Variants in SRPK2 observed in about 807,000 individuals in gnomAD.
SRPK2 encodes the protein SFRS protein kinase 2.
Under a neutral mutation model 90.8 loss-of-function variants are expected in SRPK2, and 21 were observed. The ratio of observed to expected loss-of-function variants is 0.23; its 90% CI spans 0.16 to 0.33. The LOEUF is 0.33. Ranked by LOEUF, SRPK2 falls within the 10% of genes least tolerant of loss-of-function variation. The pLI, the probability that SRPK2 is intolerant of heterozygous loss-of-function variation, is 1.00. For synonymous variants in SRPK2, 288 were observed against 311.1 expected (o/e 0.93, Z 0.78); for missense variants, 620 against 869.0 (o/e 0.71, Z 3.60).
chr7:105,285,638 T>C (rs1807999716), intron 2 of SRPK2, among the ~76,000 whole-genome samples: 2 of 152,120 alleles, frequency 1.3e-5, no homozygotes, highest in African/African-American at 4.8e-5. Context: ...CATTGTTCCC[T>C]TGGTGACAAG....
intron 3 of SRPK2, among the ~76,000 whole-genome samples, chr7:105,200,512 C>T (rs888638801): frequency 6.6e-6 from 1 of 151,572 alleles, no homozygotes; most frequent in African/African-American, 2.4e-5. Context: ...GGGGTGGCGG[C>T]GGGGGTAGGG....
intron 15 of SRPK2, among the ~76,000 whole-genome samples, chr7:105,119,087 C>T (rs1013261942): frequency 6.6e-6 from 1 of 151,792 alleles, no homozygotes; most frequent in Admixed American, 6.6e-5. Flanking sequence ...GAAACACCCC[C>T]CTGTGCCCAC....
intron 3 of SRPK2, among the ~76,000 whole-genome samples, chr7:105,182,311 C>T (rs1220990728): frequency 6.6e-6 from 1 of 150,872 alleles, no homozygotes; most frequent in African/African-American, 2.4e-5. Flanking sequence ...AAAAGGATAG[C>T]ATGACGACAA....
intron 11 of SRPK2, among the ~76,000 whole-genome samples, chr7:105,141,131 CAAGTA>C (rs935153755): frequency 1.3e-5 from 2 of 152,104 alleles, no homozygotes; most frequent in African/African-American, 4.8e-5. Flanking sequence ...CACGTCCAGC[CAAGTA>C]AAGAAAGCAA....
intron 3 of SRPK2, among the ~76,000 whole-genome samples, chr7:105,181,718 A>G (rs1792836106): frequency 6.6e-6 from 1 of 152,030 alleles, no homozygotes; most frequent in Non-Finnish European, 1.5e-5. Flanking sequence ...GGCATACTTG[A>G]GGATGGAGGG....
chr7:105,205,013 T>C (rs944553563), intron 2 of SRPK2, among the ~76,000 whole-genome samples: 2 of 152,140 alleles, frequency 1.3e-5, no homozygotes, highest in African/African-American at 2.4e-5. Flanking sequence ...TCTTCAGCCC[T>C]GGAATCTTGA....
At chr7:105,166,933 G>A (rs1379972349) in intron 6 of SRPK2, among the ~76,000 whole-genome samples, 2 of 152,156 alleles carry the variant, frequency 1.3e-5, no homozygotes, top group Non-Finnish European at 2.9e-5. Flanking sequence ...CTTGGGATGT[G>A]GACATTTACA....
chr7:105,176,723 GTGTATGTA>G (rs368315972), intron 3 of SRPK2, among the ~76,000 whole-genome samples: 1 of 68,568 alleles, frequency 1.5e-5, no homozygotes, highest in Non-Finnish European at 3.4e-5. Context: ...GTGTGTGTGT[GTGTATGTA>G]TGTATGTATG....
rs58073613 is a variant in SRPK2 at position 105,168,745 on chromosome 7, ATGTGTG to A, written c.338+406_338+411del. ...ACACACACACACACACACGCACCAA[ATGTGTG>A]TGTGTGTGTGTGTGTGTGTGTGTGT... On this transcript the variant is annotated intron_variant, in intron 4 of 15. Coordinates refer to ENST00000393651, the MANE Select transcript of SRPK2 (RefSeq NM_182692.3). Among the ~76,000 whole-genome samples, 182 of 104,068 alleles carry A rather than the reference ATGTGTG, an allele frequency of 1.7e-3. 1 individual carries two copies. Among genetic ancestry groups the A allele is most frequent in the East Asian group, 3.9e-3 (15 of 3,864 alleles). The allele number at this position is 104,068 out of a possible 152,430, so 68.3% of individuals were successfully genotyped here.
intron 2 of SRPK2, among the ~76,000 whole-genome samples, chr7:105,378,664 G>A (rs901825490): frequency 1.3e-5 from 2 of 151,648 alleles, no homozygotes; most frequent in African/African-American, 4.8e-5. Context: ...TCAGGAGGCT[G>A]AGGCAGGAGA....
At chr7:105,205,874 GC>G (rs1452778944) in intron 2 of SRPK2, 93 of 512,782 alleles carry the variant, frequency 1.8e-4, no homozygotes, top group Admixed American at 3.1e-4. Flanking sequence ...TTGAAAGCTA[GC>G]TGTTTCTTCC....
At chr7:105,155,793 A>T (rs1316717785) in intron 7 of SRPK2, among the ~76,000 whole-genome samples, 1 of 152,232 alleles carries the variant, frequency 6.6e-6, no homozygotes. Context: ...AGCCTAGAAC[A>T]AAAGAGATGA....
intron 2 of SRPK2, among the ~76,000 whole-genome samples, chr7:105,296,878 T>C (rs146189349): frequency 8.5e-4 from 129 of 152,284 alleles, no homozygotes; most frequent in African/African-American, 2.9e-3. Flanking sequence ...GCAGAGAGGT[T>C]AAATAGCTTG....
chr7:105,386,111 G>A (rs920145569), intron 2 of SRPK2, among the ~76,000 whole-genome samples: 6 of 150,206 alleles, frequency 4.0e-5, no homozygotes, highest in Admixed American at 3.3e-4. Context: ...TCAGGAGATC[G>A]ACACCATCCT....
chr7:105,170,957 A>AAGAAAGAAAGAAAGAAAG, intron 3 of SRPK2, among the ~76,000 whole-genome samples: 1 of 43,522 alleles, frequency 2.3e-5, no homozygotes, highest in East Asian at 2.6e-4. Context: ...GAAAGAAAGA[A>AAGAAAGAAAGAAAGAAAG]AGAAAGAAAG....
At chr7:105,303,306 G>A (rs1358548927) in intron 2 of SRPK2, among the ~76,000 whole-genome samples, 1 of 151,990 alleles carries the variant, frequency 6.6e-6, no homozygotes, top group Non-Finnish European at 1.5e-5. Context: ...ACACACCAGG[G>A]CCTGTCGTGG....
intron 2 of SRPK2, among the ~76,000 whole-genome samples, chr7:105,361,634 T>C (rs796301921): frequency 6.6e-6 from 1 of 151,990 alleles, no homozygotes; most frequent in South Asian, 2.1e-4. Flanking sequence ...GATATATAGA[T>C]CAATGGAACA....
chr7:105,170,790 A>AAGGAAGGAAGGAAGGAAGGAC (rs1554435316), intron 3 of SRPK2, among the ~76,000 whole-genome samples: 9 of 70,424 alleles, frequency 1.3e-4, no homozygotes, highest in African/African-American at 3.4e-4. Context: ...GACGGGAGGG[A>AAGGAAGGAAGGAAGGAAGGAC]GGGAGGGAGG....
chr7:105,161,650 G>C (rs1012503605), intron 6 of SRPK2, among the ~76,000 whole-genome samples: 7 of 152,166 alleles, frequency 4.6e-5, no homozygotes, highest in African/African-American at 1.7e-4. Context: ...CCTAGGAACT[G>C]ACATGAAACA....
Sources: allele counts gnomAD v4.1 joint callset (sites outside exome capture counted in the v4.1 genomes callset), GRCh38; gene constraint gnomAD v4.1.1; transcripts MANE v1.5; gene names NCBI Gene and HGNC (gene_info 2026-07-23, HGNC 2026-07-21).